Variants in AVEN observed in about 807,000 individuals in gnomAD.
AVEN encodes apoptosis and caspase activation inhibitor.
Under a neutral mutation model 38.1 loss-of-function variants are expected in AVEN, and 41 were observed. That is an observed-to-expected ratio of 1.08 (90% CI 0.84 to 1.40). The LOEUF is 1.40. Ranked by LOEUF, AVEN falls within the 40% of genes most tolerant of loss-of-function variation. The pLI is 0.00. For missense variants in AVEN, 605 were observed against 438.8 expected (o/e 1.38, Z -3.38); for synonymous variants, 206 against 171.8 (o/e 1.20, Z -1.56).
At chr15:34,009,708 C>G (rs930019289) in intron 1 of AVEN, among the ~76,000 whole-genome samples, 1 of 152,092 alleles carries the variant, frequency 6.6e-6, no homozygotes, top group African/African-American at 2.4e-5. Flanking sequence ...AACAATAGGG[C>G]CAGGCACAGT....
chr15:33,937,463 G>A (rs1370726373), intron 2 of AVEN, among the ~76,000 whole-genome samples: 2 of 151,518 alleles, frequency 1.3e-5, no homozygotes, highest in East Asian at 2.0e-4. Context: ...AACCTGGGAG[G>A]CGGAGCTTGC....
chr15:34,000,538 A>T (rs1897098386), intron 2 of AVEN, among the ~76,000 whole-genome samples: 1 of 152,220 alleles, frequency 6.6e-6, no homozygotes, highest in Non-Finnish European at 1.5e-5. Flanking sequence ...AGGAACCAAC[A>T]ATATTTTTTC....
chr15:34,062,585 T>C, intron 5 of AVEN: 1 of 635,934 alleles, frequency 1.6e-6, no homozygotes, highest in Non-Finnish European at 2.6e-6. Flanking sequence ...CTATAAACAA[T>C]GGATGGACAA....
upstream of AVEN, among the ~76,000 whole-genome samples, chr15:34,044,148 T>C (rs915846526): frequency 1.3e-5 from 2 of 152,046 alleles, no homozygotes; most frequent in Admixed American, 6.5e-5. Context: ...TTCTGCATCA[T>C]TTCTCTACTC....
At chr15:34,038,654 A>C (rs1597379204) in intron 1 of AVEN, 126 bp downstream of exon 1, 40 of 854,202 alleles carry the variant, frequency 4.7e-5, no homozygotes, top group South Asian at 1.1e-4. Context: ...CGTCCCGCGC[A>C]GGCGCCGGCG....
chr15:33,860,619 A>T, intron 11 of AVEN: 1 of 1,592,918 alleles, frequency 6.3e-7, no homozygotes, highest in Non-Finnish European at 8.6e-7. Context: ...GCTTTCGGAG[A>T]GCTAAGAGAC....
chr15:33,939,062 C>T (rs1457901001), intron 2 of AVEN, among the ~76,000 whole-genome samples: 2 of 152,130 alleles, frequency 1.3e-5, no homozygotes, highest in Non-Finnish European at 2.9e-5. Flanking sequence ...AGGCTGGTCT[C>T]GAACTCCTGA....
chr15:33,909,106 T>C (rs552889085), intron 2 of AVEN, among the ~76,000 whole-genome samples: 1 of 152,340 alleles, frequency 6.6e-6, no homozygotes, highest in South Asian at 2.1e-4. Flanking sequence ...TTTTGTTTTG[T>C]TTTGGTGCTT....
chr15:33,929,848 A>C (rs1266847962), intron 2 of AVEN, among the ~76,000 whole-genome samples: 3 of 152,222 alleles, frequency 2.0e-5, no homozygotes, highest in Non-Finnish European at 4.4e-5. Flanking sequence ...ATATTTAAGA[A>C]ATGAAATTAA....
chr15:34,074,009 T>TAGACACAG (rs1900687596), intron 1 of AVEN, among the ~76,000 whole-genome samples: 1 of 92,666 alleles, frequency 1.1e-5, no homozygotes, highest in African/African-American at 3.3e-5. Flanking sequence ...TTTTTTTTTT[T>TAGACACAG]TTTTTTGAGA....
intron 4 of AVEN, among the ~76,000 whole-genome samples, chr15:33,869,249 T>C (rs1026518425): frequency 6.6e-6 from 1 of 152,214 alleles, no homozygotes; most frequent in Non-Finnish European, 1.5e-5. Context: ...GTGATTCTAA[T>C]GTGCAAACAA....
intron 2 of AVEN, among the ~76,000 whole-genome samples, chr15:33,921,532 A>C (rs191925154): frequency 6.6e-6 from 1 of 152,220 alleles, no homozygotes; most frequent in Admixed American, 6.5e-5. Context: ...TAGTTGGCAA[A>C]GAGGATTCTT....
At chr15:34,020,423 G>A (rs928703441) in intron 1 of AVEN, among the ~76,000 whole-genome samples, 9 of 152,212 alleles carry the variant, frequency 5.9e-5, no homozygotes, top group African/African-American at 2.2e-4. Flanking sequence ...ATCCAAGGAG[G>A]CAAATTAGAA....
At chr15:34,064,616 A>G (rs1597396938) in intron 4 of AVEN, 1 of 359,956 alleles carries the variant, frequency 2.8e-6, no homozygotes, top group East Asian at 5.5e-5. Context: ...GTAACAATGA[A>G]CAGTGACTCA....
chr15:33,855,428 G>A (rs1016306891), downstream of AVEN, among the ~76,000 whole-genome samples: 8 of 152,152 alleles, frequency 5.3e-5, no homozygotes, highest in Admixed American at 2.6e-4. Context: ...GGTCTCAAAC[G>A]CCTGATCTCA....
At chr15:34,038,291 G>T (rs2140792012) in intron 1 of AVEN, among the ~76,000 whole-genome samples, 1 of 152,284 alleles carries the variant, frequency 6.6e-6, no homozygotes, top group East Asian at 1.9e-4. Context: ...TTTTTATTAT[G>T]CGCCTACTGT....
Position 33,866,664 on chromosome 15 carries a change from TTTGGAGGTAC to T in AVEN, c.1028_1037del (p.Ser343LysfsTer15), listed in dbSNP as rs1890550571. ...CTTCCAGCTCTTCCTCGGTAACATT[TTTGGAGGTAC>T]TTGGTTGCTCAGGTTCCATGTTTTT... On this transcript the variant is annotated frameshift_variant, in exon 6 of 6. Transcript: ENST00000306730. LOFTEE classifies it high-confidence loss of function. 1 of 1,614,104 alleles carries T rather than the reference TTTGGAGGTAC, an allele frequency of 6.2e-7. No homozygotes were observed. Among genetic ancestry groups the T allele is most frequent in the African/African-American group, 1.3e-5 (1 of 75,044 alleles).
At chr15:34,072,891 C>A (rs1038907975) in intron 1 of AVEN, among the ~76,000 whole-genome samples, 1 of 151,978 alleles carries the variant, frequency 6.6e-6, no homozygotes, top group Middle Eastern at 3.4e-3. Flanking sequence ...CCTTTTGATC[C>A]GCCTGCCTTG....
intron 2 of AVEN, among the ~76,000 whole-genome samples, chr15:33,904,682 T>TAA (rs77784482): frequency 0.05 from 6,672 of 133,402 alleles, 416 homozygotes; most frequent in African/African-American, 0.16. Flanking sequence ...ACTGTTTCTT[T>TAA]AAAAAAAAAA....
Sources: gnomAD v4.1 joint callset for allele counts (sites outside exome capture counted in the v4.1 genomes callset) on GRCh38, gnomAD v4.1.1 for gene constraint, MANE v1.5 for transcripts, NCBI Gene and HGNC (gene_info 2026-07-23, HGNC 2026-07-21) for gene names.